Variants in AKR1E2 observed in about 807,000 individuals in gnomAD.
The protein encoded by AKR1E2 is 1,5-anhydro-D-fructose reductase.
In AKR1E2, 43 loss-of-function variants were observed where a neutral mutation model predicts 41.9. That is an observed-to-expected ratio of 1.03 (90% CI 0.80 to 1.32). AKR1E2 has a LOEUF of 1.32. Among genes scored for constraint, AKR1E2 ranks in the 40% most tolerant of loss-of-function variants. The pLI, the probability that AKR1E2 is intolerant of heterozygous loss-of-function variation, is 0.00. For synonymous variants in AKR1E2, 121 were observed against 138.9 expected (o/e 0.87, Z 0.91); for missense variants, 423 against 396.5 (o/e 1.07, Z -0.57).
At position 4,847,760 on chromosome 10, in the gene AKR1E2, C is replaced by G; in HGVS notation, c.*230C>G. On this transcript the variant is annotated 3_prime_UTR_variant, in exon 10 of 10. Coordinates refer to ENST00000298375, the MANE Select transcript of AKR1E2 (RefSeq NM_001040177.3). ...CAGCCTGTGTGGCCTCTACTCTGAA[C>G]AAATACACTGATGAGTCATCAGTGA... The G allele has an allele frequency of 3.7e-6, 2 of 544,016 alleles. No homozygotes were observed. Among genetic ancestry groups the G allele is most frequent in the South Asian group, 2.8e-5 (1 of 36,268 alleles). The allele number at this position is 544,016 out of a possible 1,614,324, so 33.7% of individuals were successfully genotyped here.
upstream of AKR1E2, chr10:4,824,989 TGCAGG>T (rs1832368270): frequency 2.2e-6 from 1 of 455,494 alleles, no homozygotes; most frequent in South Asian, 1.6e-5. Flanking sequence ...GCAAGGCCCA[TGCAGG>T]TCATTTTCAG....
intron 5 of AKR1E2, among the ~76,000 whole-genome samples, chr10:4,839,473 G>T (rs1210366189): frequency 6.6e-6 from 1 of 152,216 alleles, no homozygotes; most frequent in African/African-American, 2.4e-5. Flanking sequence ...GCTCAGGGAA[G>T]GCCCTGCAGA....
At chr10:4,842,749 A>C (rs1304094988) in intron 8 of AKR1E2, among the ~76,000 whole-genome samples, 1 of 152,098 alleles carries the variant, frequency 6.6e-6, no homozygotes, top group South Asian at 2.1e-4. Flanking sequence ...ATTAGGAAGG[A>C]GGGAAGAGCA....
chr10:4,848,896 G>A (rs1402858421), downstream of AKR1E2, among the ~76,000 whole-genome samples: 1 of 152,214 alleles, frequency 6.6e-6, no homozygotes, highest in East Asian at 1.9e-4. Flanking sequence ...GCACCTCCCG[G>A]TTGTGGAGAC....
chr10:4,838,071 G>A (rs1833579277), intron 5 of AKR1E2, among the ~76,000 whole-genome samples: 1 of 152,234 alleles, frequency 6.6e-6, no homozygotes, highest in African/African-American at 2.4e-5. Flanking sequence ...GACTAGCTTT[G>A]TATGTTCAAA....
At chr10:4,867,588 G>T in the AKR1E2 span, among the ~76,000 whole-genome samples, 1 of 152,134 alleles carries the variant, frequency 6.6e-6, no homozygotes, top group East Asian at 1.9e-4. Context: ...CAATTACCTT[G>T]CCATTCAGCC....
downstream of AKR1E2, among the ~76,000 whole-genome samples, chr10:4,851,968 G>C (rs1309044011): frequency 6.6e-6 from 1 of 152,212 alleles, no homozygotes; most frequent in African/African-American, 2.4e-5. Context: ...ATGTGGCCCA[G>C]TGACAGTGCC....
At chr10:4,849,838 T>G (rs375856748), downstream of AKR1E2, among the ~76,000 whole-genome samples, 1 of 152,210 alleles carries the variant, frequency 6.6e-6, no homozygotes, top group East Asian at 1.9e-4. Context: ...CAGGTGGCGC[T>G]GGGAAGCACT....
the AKR1E2 span, among the ~76,000 whole-genome samples, chr10:4,866,304 A>G: frequency 2.0e-5 from 3 of 152,232 alleles, no homozygotes; most frequent in Non-Finnish European, 4.4e-5. Context: ...GAGGACGCGT[A>G]GCACTGGAAC....
the AKR1E2 span, among the ~76,000 whole-genome samples, chr10:4,857,147 C>T: frequency 0.26 from 39,292 of 152,096 alleles, 5,284 homozygotes; most frequent in Middle Eastern, 0.37. Context: ...GTTTTCAAGA[C>T]TCATCCATAA....
In AKR1E2 at chr10:4,847,535, G is replaced by A. The variant is rs1202064706; in HGVS notation, c.*5G>A. 10 of 1,603,182 alleles carry A rather than the reference G, an allele frequency of 6.2e-6. No homozygotes were observed. The highest frequency in any genetic ancestry group is 1.7e-4 in the Middle Eastern group (1 of 6,044). ...CCTTTCCACATAGAATACTGAGGAC[G>A]CTTCCCCTTCCTTGTTTCTGCTCAG... is the stretch of plus-strand genomic sequence containing the variant. On this transcript the variant is annotated 3_prime_UTR_variant, in exon 10 of 10. Coordinates refer to ENST00000298375, the MANE Select transcript of AKR1E2 (RefSeq NM_001040177.3).
chr10:4,830,772 T>C lies in AKR1E2; in HGVS notation c.137T>C (p.Val46Ala). The C allele has an allele frequency of 6.2e-7, 1 of 1,613,694 alleles. No individual in the cohort carries two copies. Among genetic ancestry groups the C allele is most frequent in the Non-Finnish European group, 8.5e-7 (1 of 1,179,942 alleles). Residue 46 changes from valine to alanine, a missense_variant, in exon 2 of 10, where the codon GTT (valine) becomes GCT (alanine). Coordinates refer to ENST00000298375, the MANE Select transcript of AKR1E2 (RefSeq NM_001040177.3). Reference sequence around the variant, plus strand: ...TACTTTTACCACAATGAGAGGGAGGTTGGAGCAGGGATCCGTTGCAAGATC... The same window carrying C: ...TACTTTTACCACAATGAGAGGGAGGCTGGAGCAGGGATCCGTTGCAAGATC... ...CAYFYHNERE[V>A]GAGIRCKIKE...
Position 4,839,813 on chromosome 10 carries a change from C to CT in AKR1E2, c.669dup (p.Gly224TrpfsTer5), listed in dbSNP as rs757219292. On this transcript the variant is annotated frameshift_variant, in exon 6 of 10. Transcript: ENST00000298375. LOFTEE classifies it high-confidence loss of function. ...TGTGTCCGTGACTGCTTACCGTCCT[C>CT]TTGGTGGCTCGTGGTAAGGATACCT... 6 of 1,614,072 alleles carry CT rather than the reference C, an allele frequency of 3.7e-6. No homozygotes were observed. Among genetic ancestry groups the CT allele is most frequent in the South Asian group, 1.1e-5 (1 of 91,080 alleles).
At chr10:4,829,006 A>G (rs1462901834) in intron 1 of AKR1E2, among the ~76,000 whole-genome samples, 3 of 152,152 alleles carry the variant, frequency 2.0e-5, no homozygotes, top group African/African-American at 7.2e-5. Flanking sequence ...ATGGTAGTTT[A>G]CTTTCCTTTT....
chr10:4,860,549 G>A, the AKR1E2 span, among the ~76,000 whole-genome samples: 6 of 152,102 alleles, frequency 3.9e-5, no homozygotes, highest in Admixed American at 1.3e-4. Flanking sequence ...ACCTCTATCA[G>A]TAAAGCTTTT....
the AKR1E2 span, among the ~76,000 whole-genome samples, chr10:4,863,374 A>G: frequency 3.3e-5 from 5 of 152,268 alleles, no homozygotes; most frequent in South Asian, 6.2e-4. Flanking sequence ...GGTACATAAC[A>G]AAATGAAGGC....
chr10:4,868,501 A>T, the AKR1E2 span, among the ~76,000 whole-genome samples: 21 of 152,164 alleles, frequency 1.4e-4, no homozygotes, highest in Non-Finnish European at 2.6e-4. Flanking sequence ...CAATCACGTC[A>T]CCTGCAAATG....
Position 4,826,274 on chromosome 10 carries a change from G to T in AKR1E2, c.-51G>T. On this transcript the variant is annotated 5_prime_UTR_variant, in exon 1 of 10. Transcript: ENST00000298375. ...CGCCGCAGTAGCTCGCGCGGTGCCTGTCGGTAGTCGCGTGCGGGGCGGCGG... is the reference window on the plus strand; with the variant it reads ...CGCCGCAGTAGCTCGCGCGGTGCCTTTCGGTAGTCGCGTGCGGGGCGGCGG... 1 of 1,224,684 alleles carries T rather than the reference G, an allele frequency of 8.2e-7. No individual in the cohort carries two copies. The highest frequency in any genetic ancestry group is 1.0e-6 in the Non-Finnish European group (1 of 980,490). The allele number at this position is 1,224,684 out of a possible 1,614,324, so 75.9% of individuals were successfully genotyped here.
At chr10:4,826,508 G>A in intron 1 of AKR1E2, 145 bp downstream of exon 1, 1 of 745,758 alleles carries the variant, frequency 1.3e-6, no homozygotes, top group Non-Finnish European at 1.8e-6. Context: ...CGCTGCTGAG[G>A]TGGCCGCCCA....
Sources: gnomAD v4.1 joint callset for allele counts (sites outside exome capture counted in the v4.1 genomes callset) on GRCh38, gnomAD v4.1.1 for gene constraint, MANE v1.5 for transcripts, NCBI Gene and HGNC (gene_info 2026-07-23, HGNC 2026-07-21) for gene names.